PDZD2: variants seen among roughly 807,000 people sequenced by gnomAD.
The protein encoded by PDZD2 is PDZ domain containing 2.
In PDZD2, 90 loss-of-function variants were observed where a neutral mutation model predicts 220.7. The ratio of observed to expected loss-of-function variants is 0.41; its 90% CI spans 0.34 to 0.49. The LOEUF (loss-of-function observed/expected upper bound fraction) is 0.49, where lower values mean the gene tolerates loss of function less well. Among genes scored for constraint, PDZD2 ranks in the 20% least tolerant of loss-of-function variants. PDZD2 has a pLI of 0.28. For synonymous variants in PDZD2, 1,375 were observed against 1,450.5 expected (o/e 0.95, Z 1.18); for missense variants, 3,174 against 3,608.5 (o/e 0.88, Z 3.08).
At chr5:32,021,057 A>T (rs1754161364) in intron 6 of PDZD2, among the ~76,000 whole-genome samples, 1 of 143,172 alleles carries the variant, frequency 7.0e-6, no homozygotes, top group Non-Finnish European at 1.5e-5. Context: ...AAGACTTGGA[A>T]TTTTTTTTTT....
intron 2 of PDZD2, among the ~76,000 whole-genome samples, chr5:31,871,002 G>A (rs915826069): frequency 1.3e-5 from 2 of 152,124 alleles, no homozygotes; most frequent in African/African-American, 4.8e-5. Flanking sequence ...AGGAAGTGGT[G>A]TAAAAATGCC....
At chr5:31,903,179 G>A (rs1045510796) in intron 2 of PDZD2, among the ~76,000 whole-genome samples, 150 of 151,524 alleles carry the variant, frequency 9.9e-4, no homozygotes, top group African/African-American at 3.5e-3. Context: ...CTGTAATCCC[G>A]TCTACTTGGG....
chr5:31,981,796 G>A (rs1291654789), intron 2 of PDZD2, among the ~76,000 whole-genome samples: 2 of 152,198 alleles, frequency 1.3e-5, no homozygotes, highest in African/African-American at 2.4e-5. Flanking sequence ...ATCTTAGGTA[G>A]CATGAGTGGA....
At chr5:31,944,972 G>T (rs1335460046) in intron 2 of PDZD2, among the ~76,000 whole-genome samples, 1 of 152,244 alleles carries the variant, frequency 6.6e-6, no homozygotes, top group African/African-American at 2.4e-5. Flanking sequence ...GATGCTCTGC[G>T]CTCAGGAGGA....
chr5:31,796,369 G>T (rs942464479), intron 1 of PDZD2, among the ~76,000 whole-genome samples: 10 of 152,274 alleles, frequency 6.6e-5, no homozygotes, highest in African/African-American at 1.9e-4. Context: ...ACCCAGGGGC[G>T]CTCTCTCCCG....
chr5:31,645,043 G>A (rs1745083976), intron 1 of PDZD2, among the ~76,000 whole-genome samples: 1 of 152,124 alleles, frequency 6.6e-6, no homozygotes, highest in African/African-American at 2.4e-5. Flanking sequence ...AAGTTTTGTT[G>A]TCTTTTAAGT....
intron 2 of PDZD2, among the ~76,000 whole-genome samples, chr5:31,982,505 G>A (rs1009282517): frequency 5.3e-5 from 8 of 152,042 alleles, no homozygotes; most frequent in Admixed American, 4.6e-4. Flanking sequence ...ACGGGGTTTC[G>A]CTATGTTACC....
intron 1 of PDZD2, among the ~76,000 whole-genome samples, chr5:31,736,549 A>G (rs904197798): frequency 2.6e-5 from 4 of 152,266 alleles, no homozygotes; most frequent in Admixed American, 6.5e-5. Context: ...CTGTTTATGC[A>G]GATGGAACTA....
At chr5:31,872,621 A>G (rs1270071923) in intron 2 of PDZD2, among the ~76,000 whole-genome samples, 1 of 152,146 alleles carries the variant, frequency 6.6e-6, no homozygotes, top group Non-Finnish European at 1.5e-5. Flanking sequence ...TGCCCTTTAC[A>G]TTGTTACGAA....
intron 10 of PDZD2, among the ~76,000 whole-genome samples, chr5:32,054,467 G>A (rs1738907940): frequency 1.3e-5 from 2 of 151,510 alleles, no homozygotes; most frequent in Admixed American, 1.3e-4. Flanking sequence ...GGGACTATAG[G>A]TGCACACCGT....
chr5:31,782,433 C>T (rs763391955), intron 1 of PDZD2, among the ~76,000 whole-genome samples: 6 of 152,042 alleles, frequency 3.9e-5, no homozygotes, highest in South Asian at 2.1e-4. Flanking sequence ...GAGGAGTCTC[C>T]GGAGACATTA....
chr5:32,002,536 AG>A (rs1359070137), intron 5 of PDZD2, among the ~76,000 whole-genome samples: 1 of 151,892 alleles, frequency 6.6e-6, no homozygotes, highest in African/African-American at 2.4e-5. Context: ...TGCCAGATGA[AG>A]TGGGAGCCTG....
chr5:31,837,977 TGGTATC>T (rs933485938), intron 2 of PDZD2, among the ~76,000 whole-genome samples: 1 of 152,188 alleles, frequency 6.6e-6, no homozygotes, highest in African/African-American at 2.4e-5. Flanking sequence ...TATATACACA[TGGTATC>T]TGTAAAGTTT....
At chr5:31,935,304 T>C (rs1028867009) in intron 2 of PDZD2, among the ~76,000 whole-genome samples, 5 of 152,186 alleles carry the variant, frequency 3.3e-5, no homozygotes, top group African/African-American at 1.2e-4. Flanking sequence ...AAAGACCCCT[T>C]TGGCTTCAGC....
At chr5:31,856,144 A>G (rs1758426103) in intron 2 of PDZD2, among the ~76,000 whole-genome samples, 1 of 152,198 alleles carries the variant, frequency 6.6e-6, no homozygotes, top group Non-Finnish European at 1.5e-5. Flanking sequence ...GTAACTCTCA[A>G]TTCAACTTTG....
chr5:31,883,951 G>A (rs901866251), intron 2 of PDZD2, among the ~76,000 whole-genome samples: 27 of 152,110 alleles, frequency 1.8e-4, no homozygotes, highest in Middle Eastern at 3.2e-3. Flanking sequence ...GGTGGCTCCC[G>A]CATGTTATCC....
intron 19 of PDZD2, among the ~76,000 whole-genome samples, chr5:32,078,286 A>G (rs1052459353): frequency 1.3e-5 from 2 of 152,194 alleles, no homozygotes; most frequent in Non-Finnish European, 2.9e-5. Flanking sequence ...AAAACCACAC[A>G]TAAGTGTTGA....
intron 1 of PDZD2, among the ~76,000 whole-genome samples, chr5:31,696,615 T>C (rs558152489): frequency 6.6e-6 from 1 of 152,230 alleles, no homozygotes; most frequent in Non-Finnish European, 1.5e-5. Flanking sequence ...TCTCCTTAAT[T>C]GAGCTGAAAA....
chr5:31,848,910 G>C (rs1054771414), intron 2 of PDZD2, among the ~76,000 whole-genome samples: 5 of 152,054 alleles, frequency 3.3e-5, no homozygotes, highest in Non-Finnish European at 5.9e-5. Flanking sequence ...TTAGCCAGGC[G>C]TGGTGGCAGG....
Sources: gnomAD v4.1 joint callset for allele counts (sites outside exome capture counted in the v4.1 genomes callset) on GRCh38, gnomAD v4.1.1 for gene constraint, MANE v1.5 for transcripts, NCBI Gene and HGNC (gene_info 2026-07-23, HGNC 2026-07-21) for gene names.